SLC22A3: variants seen among roughly 807,000 people sequenced by gnomAD.
SLC22A3 encodes solute carrier family 22 member 3, also known as EMT organic cation transporter 3.
In SLC22A3, 51 loss-of-function variants were observed where a neutral mutation model predicts 59.1. The ratio of observed to expected loss-of-function variants is 0.86; its 90% CI spans 0.69 to 1.09. SLC22A3 has a LOEUF of 1.09. Ranked by LOEUF, SLC22A3 falls within the 50% of genes least tolerant of loss-of-function variation. SLC22A3 has a pLI of 0.00. For missense variants in SLC22A3, 711 were observed against 726.3 expected, an observed-to-expected ratio of 0.98 and a Z score of 0.24; for synonymous variants, 325 against 292.0, an observed-to-expected ratio of 1.11 and a Z score of -1.15.
Position 160,348,719 on chromosome 6 carries a change from C to G in SLC22A3, c.300C>G (p.Asp100Glu), listed in dbSNP as rs1224760531. The G allele has an allele frequency of 7.2e-6, 11 of 1,525,686 alleles. No individual in the cohort carries two copies. Among genetic ancestry groups the G allele is most frequent in the Non-Finnish European group, 9.6e-6 (11 of 1,143,048 alleles). The allele number at this position is 1,525,686 out of a possible 1,614,324, so 94.5% of individuals were successfully genotyped here. A position where few individuals can be genotyped will look rare whatever the true frequency, so the allele number is the denominator to read the frequency against. ...CQRYLLEAAN[D>E]SASATSALSC... ...GCTACCTCCTGGAGGCGGCCAACGACAGCGCCTCCGCCACTAGCGCTCTCA... is the reference window on the plus strand; with the variant it reads ...GCTACCTCCTGGAGGCGGCCAACGAGAGCGCCTCCGCCACTAGCGCTCTCA... Residue 100 changes from aspartate (D) to glutamate (E), a missense_variant, in exon 1 of 11, where the codon GAC becomes GAG. Asp to Glu is a conservative substitution (Grantham distance 45). Coordinates refer to ENST00000275300, the MANE Select transcript of SLC22A3 (RefSeq NM_021977.4).
At chr6:160,424,701 A>G (rs1158899125) in intron 5 of SLC22A3, among the ~76,000 whole-genome samples, 2 of 152,326 alleles carry the variant, frequency 1.3e-5, no homozygotes, top group African/African-American at 2.4e-5. Flanking sequence ...GGTGAATAGG[A>G]TGGGTTGAGT....
intron 10 of SLC22A3, among the ~76,000 whole-genome samples, chr6:160,449,606 T>C (rs1210485242): frequency 1.3e-5 from 2 of 152,346 alleles, no homozygotes; most frequent in South Asian, 2.1e-4. Context: ...TGGTTTTTGT[T>C]CATGTTAACA....
chr6:160,436,992 T>C lies in SLC22A3; in HGVS notation c.1074-5T>C. 6.2e-7 allele frequency: 1 copy of C among 1,614,194 alleles called. No individual in the cohort carries two copies. The highest frequency in any genetic ancestry group is 8.5e-7 in the Non-Finnish European group (1 of 1,180,004). ...GTTCTCTGGTGTCTTTCAATGTTGC[T>C]ACAGGTTCACAAGCGCAGTGGTGTA... On this transcript the variant is annotated splice_region_variant and splice_polypyrimidine_tract_variant and intron_variant, in intron 6 of 10. Coordinates refer to ENST00000275300, the MANE Select transcript of SLC22A3 (RefSeq NM_021977.4).
chr6:160,378,699 A>C (rs1383376878), intron 1 of SLC22A3, among the ~76,000 whole-genome samples: 1 of 152,202 alleles, frequency 6.6e-6, no homozygotes, highest in East Asian at 1.9e-4. Context: ...TACCTAATCT[A>C]CCAGACATCA....
chr6:160,403,279 A>G (rs533372381), intron 2 of SLC22A3, among the ~76,000 whole-genome samples: 1 of 151,906 alleles, frequency 6.6e-6, no homozygotes, highest in Non-Finnish European at 1.5e-5. Flanking sequence ...CTCTGTGTTC[A>G]CAAATTTGAT....
chr6:160,444,411 G>A (rs1788669029), intron 9 of SLC22A3, among the ~76,000 whole-genome samples: 1 of 152,088 alleles, frequency 6.6e-6, no homozygotes, highest in African/African-American at 2.4e-5. Context: ...TTGTATTTCT[G>A]GTGTTCTCTC....
At chr6:160,428,079 A>AC (rs1301897183) in intron 5 of SLC22A3, among the ~76,000 whole-genome samples, 26 of 72,686 alleles carry the variant, frequency 3.6e-4, no homozygotes, top group Non-Finnish European at 5.1e-4. Context: ...TCCCTTCCCC[A>AC]CCCCCCCACC....
At chr6:160,408,962 G>T in intron 4 of SLC22A3, 41 bp downstream of exon 4, 1 of 1,555,328 alleles carries the variant, frequency 6.4e-7, no homozygotes, top group East Asian at 2.3e-5. Context: ...TACTGATTCT[G>T]CAGAAATTAG....
rs556044646 is a variant in SLC22A3 at position 160,372,378 on chromosome 6, A to G, written c.429+23530A>G. Among the ~76,000 whole-genome samples, 3 of 152,260 alleles carry G rather than the reference A, an allele frequency of 2.0e-5. No individual in the cohort carries two copies. The East Asian group carries it at 5.8e-4, about 29-fold the overall frequency. On this transcript the variant is annotated intron_variant, in intron 1 of 10. Transcript: ENST00000275300. ...TACAGAGAGATCCACTGTTGGTCTG[A>G]TGGACTTCCCTTTGTGGGTAACCTG...
At chr6:160,424,957 T>C (rs1787893320) in intron 5 of SLC22A3, among the ~76,000 whole-genome samples, 1 of 152,222 alleles carries the variant, frequency 6.6e-6, no homozygotes, top group South Asian at 2.1e-4. Context: ...CTAGACACAT[T>C]TTTCTAAAGA....
At chr6:160,367,781 C>T (rs925170993) in intron 1 of SLC22A3, among the ~76,000 whole-genome samples, 3 of 152,178 alleles carry the variant, frequency 2.0e-5, no homozygotes, top group East Asian at 1.9e-4. Context: ...GGGACACTGC[C>T]ATGAACAAGA....
intron 1 of SLC22A3, among the ~76,000 whole-genome samples, chr6:160,362,636 G>T (rs1275593397): frequency 6.6e-6 from 1 of 152,242 alleles, no homozygotes; most frequent in Non-Finnish European, 1.5e-5. Flanking sequence ...GAGGGACACC[G>T]CGGGATGTCC....
At position 160,415,222 on chromosome 6, in the gene SLC22A3, C is replaced by T. The variant is rs1787432403; in HGVS notation, c.975+4376C>T. ...AAGCGGAATTCAGCCACATTATGGG[C>T]CACGTCATAGTTTTCCATCTCAAAG... On this transcript the variant is annotated intron_variant, in intron 5 of 10. Transcript: ENST00000275300. This position sits in a 1 kb window ranked among gnomAD's most constrained non-coding sequence, Gnocchi z 4.1. Among the ~76,000 whole-genome samples the T allele has an allele frequency of 6.6e-6, 1 of 152,192 alleles. No homozygotes were observed. Among genetic ancestry groups the T allele is most frequent in the African/African-American group, 2.4e-5 (1 of 41,446 alleles).
At chr6:160,377,464 A>C (rs1785638715) in intron 1 of SLC22A3, among the ~76,000 whole-genome samples, 1 of 151,252 alleles carries the variant, frequency 6.6e-6, no homozygotes, top group Non-Finnish European at 1.5e-5. Flanking sequence ...CAGCTGATAG[A>C]GTGAGACTCT....
intron 10 of SLC22A3, among the ~76,000 whole-genome samples, chr6:160,449,738 C>T (rs1452988066): frequency 6.6e-6 from 1 of 152,116 alleles, no homozygotes; most frequent in African/African-American, 2.4e-5. Flanking sequence ...TTCTATTTTC[C>T]ATAAGTGTTG....
intron 5 of SLC22A3, among the ~76,000 whole-genome samples, chr6:160,417,576 G>C (rs146633311): frequency 1.3e-5 from 2 of 152,224 alleles, no homozygotes; most frequent in Non-Finnish European, 2.9e-5. Context: ...TTAAATTACT[G>C]TTTGGAGAGA....
chr6:160,409,971 G>A (rs531557237), intron 4 of SLC22A3, among the ~76,000 whole-genome samples: 28 of 152,178 alleles, frequency 1.8e-4, no homozygotes, highest in Non-Finnish European at 3.8e-4. Context: ...AATGTTAAGA[G>A]CATCAAAAAA....
chr6:160,387,149 T>A (rs1244029257), intron 1 of SLC22A3, among the ~76,000 whole-genome samples: 1 of 152,138 alleles, frequency 6.6e-6, no homozygotes, highest in Non-Finnish European at 1.5e-5. Context: ...AGCACCCACA[T>A]AGCAAGTTGC....
chr6:160,398,183 A>G, intron 2 of SLC22A3, 101 bp downstream of exon 2: 1 of 875,552 alleles, frequency 1.1e-6, no homozygotes, highest in Non-Finnish European at 1.9e-6. Flanking sequence ...TATTTTTGCT[A>G]AATTCGCAAA....
Sources: gnomAD v4.1 joint callset for allele counts (sites outside exome capture counted in the v4.1 genomes callset) on GRCh38, gnomAD v4.1.1 for gene constraint, Gnocchi (gnomAD v3.1) non-coding constraint, MANE v1.5 for transcripts, NCBI Gene and HGNC (gene_info 2026-07-23, HGNC 2026-07-21) for gene names.